The following CDYL variants were observed in gnomAD, a reference collection of about 807,000 sequenced individuals.
The protein encoded by CDYL is chromodomain Y-like protein.
In CDYL, 8 loss-of-function variants were observed where a neutral mutation model predicts 47.3. That is an observed-to-expected ratio of 0.17 (90% CI 0.10 to 0.31). The LOEUF (loss-of-function observed/expected upper bound fraction) is 0.31, where lower values mean the gene tolerates loss of function less well. Ranked by LOEUF, CDYL falls within the 10% of genes least tolerant of loss-of-function variation. CDYL has a pLI of 1.00. For synonymous variants in CDYL, 266 were observed against 265.0 expected (o/e 1.00, Z -0.04); for missense variants, 471 against 701.4 (o/e 0.67, Z 3.71).
At chr6:4,746,146 G>A (rs568833160) in intron 3 of CDYL, among the ~76,000 whole-genome samples, 55 of 151,774 alleles carry the variant, frequency 3.6e-4, no homozygotes, top group African/African-American at 1.1e-3. Flanking sequence ...CAGGTGGATC[G>A]CGAGGTCAGG....
chr6:4,757,507 C>A (rs1449287133), intron 3 of CDYL, among the ~76,000 whole-genome samples: 4 of 152,090 alleles, frequency 2.6e-5, no homozygotes, highest in African/African-American at 9.7e-5. Flanking sequence ...TAATCTAGCC[C>A]AAGCTCTTTG....
intron 1 of CDYL, among the ~76,000 whole-genome samples, chr6:4,887,873 T>C (rs1761939492): frequency 6.6e-6 from 1 of 151,792 alleles, no homozygotes; most frequent in Non-Finnish European, 1.5e-5. Context: ...ATTTCTAGTT[T>C]ACTGACTTCT....
intron 2 of CDYL, among the ~76,000 whole-genome samples, chr6:4,895,088 T>C (rs1360277349): frequency 6.6e-6 from 1 of 151,560 alleles, no homozygotes; most frequent in African/African-American, 2.4e-5. Context: ...TATGCACATA[T>C]ATGTACATGT....
At chr6:4,909,884 T>C (rs1757357324) in intron 2 of CDYL, among the ~76,000 whole-genome samples, 1 of 152,140 alleles carries the variant, frequency 6.6e-6, no homozygotes, top group South Asian at 2.1e-4. Context: ...AATTTCATAC[T>C]TCTTACTGTG....
At chr6:4,925,580 T>C (rs1757847938) in intron 2 of CDYL, among the ~76,000 whole-genome samples, 1 of 151,954 alleles carries the variant, frequency 6.6e-6, no homozygotes, top group South Asian at 2.1e-4. Flanking sequence ...CACACTCGGC[T>C]AATTTTTTTG....
chr6:4,726,913 A>G (rs915363694), intron 2 of CDYL, among the ~76,000 whole-genome samples: 11 of 152,170 alleles, frequency 7.2e-5, no homozygotes, highest in Admixed American at 5.9e-4. Flanking sequence ...ATAATGGGTG[A>G]CTCATTGATT....
chr6:4,941,070 T>G (rs1758347673), intron 4 of CDYL, among the ~76,000 whole-genome samples: 1 of 152,254 alleles, frequency 6.6e-6, no homozygotes. Context: ...AATTATAAAG[T>G]CTTTTTAGAC....
At chr6:4,731,634 A>G (rs943368911) in intron 2 of CDYL, among the ~76,000 whole-genome samples, 1 of 152,120 alleles carries the variant, frequency 6.6e-6, no homozygotes, top group African/African-American at 2.4e-5. Flanking sequence ...CCCCATCTCT[A>G]TTAAAAATAC....
At chr6:4,842,616 G>A (rs115448972) in intron 1 of CDYL, among the ~76,000 whole-genome samples, 1,582 of 151,996 alleles carry the variant, frequency 0.01, 37 homozygotes, top group African/African-American at 0.03. Context: ...CCTCTTGCAC[G>A]GAATGTCTGT....
chr6:4,814,279 C>G (rs1420086621), intron 1 of CDYL, among the ~76,000 whole-genome samples: 1 of 152,036 alleles, frequency 6.6e-6, no homozygotes, highest in Non-Finnish European at 1.5e-5. Flanking sequence ...GTGTAAGCAG[C>G]TATTTTTATG....
At chr6:4,924,658 G>T (rs1004348802) in intron 2 of CDYL, among the ~76,000 whole-genome samples, 20 of 152,108 alleles carry the variant, frequency 1.3e-4, no homozygotes, top group Non-Finnish European at 2.5e-4. Context: ...TTAGGGCCAG[G>T]TCTAAAACAT....
At chr6:4,734,732 C>G in intron 2 of CDYL, 1 of 1,613,002 alleles carries the variant, frequency 6.2e-7, no homozygotes, top group Non-Finnish European at 8.5e-7. Flanking sequence ...GTCCACCTCT[C>G]TCAGAAACTT....
At chr6:4,764,990 G>T (rs1166194653) in intron 3 of CDYL, among the ~76,000 whole-genome samples, 4 of 152,160 alleles carry the variant, frequency 2.6e-5, no homozygotes, top group Non-Finnish European at 5.9e-5. Flanking sequence ...TTAAAGGATT[G>T]AAATTCTACA....
At chr6:4,846,744 T>G (rs1760672401) in intron 1 of CDYL, among the ~76,000 whole-genome samples, 1 of 152,154 alleles carries the variant, frequency 6.6e-6, no homozygotes, top group Non-Finnish European at 1.5e-5. Flanking sequence ...TGGCTTATTT[T>G]AATGCAATAG....
rs532933549 is a variant in CDYL, at chr6:4,924,770, A to G, written c.692-10745A>G. ...AGTGAGTTCTGCTATAATGTGATAT[A>G]TGTGATCCTAAAAATCGCCACACTG... On this transcript the variant is annotated intron_variant, in intron 2 of 6. Transcript: ENST00000397588. Among the ~76,000 whole-genome samples the G allele has an allele frequency of 3.9e-5, 6 of 152,338 alleles. No individual in the cohort carries two copies. The East Asian group carries it at 7.7e-4, about 20-fold the overall frequency.
chr6:4,718,186 G>A (rs1286617203), intron 2 of CDYL, among the ~76,000 whole-genome samples: 1 of 152,020 alleles, frequency 6.6e-6, no homozygotes, highest in African/African-American at 2.4e-5. Flanking sequence ...AACAGATTAT[G>A]TATTATGCCA....
Position 4,744,605 on chromosome 6 carries a change from T to A in CDYL, c.186+9761T>A, listed in dbSNP as rs140099131. On this transcript the variant is annotated intron_variant, in intron 3 of 8. Coordinates refer to the CDYL transcript ENST00000328908. ...TGATTACTTTAAGAACCAACATTTC[T>A]TGTCACTGTGTGCCAGGCAGTGTAC... Among the ~76,000 whole-genome samples the A allele has an allele frequency of 8.5e-5, 13 of 152,352 alleles. No individual in the cohort carries two copies. The East Asian group carries it at 2.3e-3, about 27-fold the overall frequency.
At chr6:4,874,576 G>A (rs750304446) in intron 1 of CDYL, among the ~76,000 whole-genome samples, 3 of 152,192 alleles carry the variant, frequency 2.0e-5, no homozygotes, top group African/African-American at 7.2e-5. Context: ...TGCTAGGTGC[G>A]TTAAATGAGA....
chr6:4,834,176 C>T (rs1760225876), intron 1 of CDYL, among the ~76,000 whole-genome samples: 1 of 152,110 alleles, frequency 6.6e-6, no homozygotes. Flanking sequence ...TCTTGATGGT[C>T]TTTACATTTT....
Sources: allele counts gnomAD v4.1 joint callset (sites outside exome capture counted in the v4.1 genomes callset), GRCh38; gene constraint gnomAD v4.1.1; transcripts MANE v1.5; gene names NCBI Gene and HGNC (gene_info 2026-07-23, HGNC 2026-07-21).